Variants in DKK2 observed in about 807,000 individuals in gnomAD.
DKK2 encodes dickkopf Wnt signaling pathway inhibitor 2.
In DKK2, 11 loss-of-function variants were observed where a neutral mutation model predicts 28.1. The observed-to-expected ratio is 0.39, with a 90% CI of 0.25 to 0.65. The LOEUF (loss-of-function observed/expected upper bound fraction) is 0.65, where lower values mean the gene tolerates loss of function less well. DKK2 is among the 30% of genes least tolerant of loss of function. The probability of loss-of-function intolerance (pLI) is 0.47; values close to 1 mark genes in which losing one functional copy is unlikely to be tolerated. For synonymous variants in DKK2, 135 were observed against 126.5 expected, an observed-to-expected ratio of 1.07 and a Z score of -0.45; for missense variants, 326 against 335.5, an observed-to-expected ratio of 0.97 and a Z score of 0.22.
chr4:106,955,127 TA>T (rs1160918115), intron 1 of DKK2, among the ~76,000 whole-genome samples: 11 of 152,138 alleles, frequency 7.2e-5, no homozygotes, highest in Non-Finnish European at 7.3e-5. Flanking sequence ...TACTATAATT[TA>T]ATGTTAATTA....
rs757346025 is a variant in DKK2, at chr4:106,924,540, C to T, written c.529+5G>A. ...AAAAAACCCCAGAACTACAGATATC[C>T]CTACCTTTTATATGTGACATCTTAG... is the stretch of plus-strand genomic sequence containing the variant. On this transcript the variant is annotated splice_donor_5th_base_variant and intron_variant, in intron 3 of 3. Coordinates refer to ENST00000285311, the MANE Select transcript of DKK2 (RefSeq NM_014421.3). 8.4e-5 allele frequency: 136 copies of T among 1,612,360 alleles called. No homozygotes were observed. Among genetic ancestry groups the T allele is most frequent in the Non-Finnish European group, 1.1e-4 (133 of 1,179,148 alleles).
chr4:107,027,134 T>G (rs1315389171), intron 1 of DKK2, among the ~76,000 whole-genome samples: 1 of 152,008 alleles, frequency 6.6e-6, no homozygotes, highest in Non-Finnish European at 1.5e-5. Context: ...CAGAGCATGG[T>G]TAATGGGGAA....
chr4:106,956,483 A>G (rs893825142), intron 1 of DKK2, among the ~76,000 whole-genome samples: 2 of 152,196 alleles, frequency 1.3e-5, no homozygotes, highest in Non-Finnish European at 2.9e-5. Flanking sequence ...GAGGCATCAC[A>G]CTACCTGACT....
Position 106,924,607 on chromosome 4 carries a change from G to T in DKK2, c.467C>A (p.Ser156Ter). 6.2e-7 allele frequency: 1 copy of T among 1,613,920 alleles called. No individual in the cohort carries two copies. The highest frequency in any genetic ancestry group is 1.1e-5 in the South Asian group (1 of 91,078). ...ATTCTGCCATCCCAAGTCATGGTTT[G>T]AGTAATGACCGTGGTTTCGATCTCT... The part of the protein sequence containing the change: ...RHRDRNHGHY[S>*]NHDLGWQNLG... The change falls in exon 3 of 4, where the codon TCA (serine) becomes TAA (stop). Residue 156 changes from serine (S) to a stop codon, truncating the protein, a stop_gained. Coordinates refer to ENST00000285311, the MANE Select transcript of DKK2 (RefSeq NM_014421.3). LOFTEE classifies it high-confidence loss of function.
chr4:106,954,052 G>A (rs1722544791), intron 1 of DKK2, among the ~76,000 whole-genome samples: 1 of 152,070 alleles, frequency 6.6e-6, no homozygotes, highest in African/African-American at 2.4e-5. Flanking sequence ...TCATTGAGTA[G>A]TCAAATGAGA....
At chr4:107,002,440 A>G (rs1325127088) in intron 1 of DKK2, among the ~76,000 whole-genome samples, 3 of 152,192 alleles carry the variant, frequency 2.0e-5, no homozygotes, top group African/African-American at 7.2e-5. Context: ...TTACAAAGAT[A>G]TGGCTTTACA....
rs566198336 is a variant in DKK2, at chr4:107,029,313, G to C, written c.222+6057C>G. Among the ~76,000 whole-genome samples the C allele has an allele frequency of 4.6e-5, 7 of 152,278 alleles. No individual in the cohort carries two copies. In the East Asian group the frequency reaches 1.3e-3, roughly 29 times the overall value. On this transcript the variant is annotated intron_variant, in intron 1 of 3. Transcript: ENST00000285311. ...TTCTAATATTAGATTGCTTAGGTTT[G>C]AACTTTAGCTTTCTCCATTTACAGT...
chr4:106,951,769 C>T (rs1225287529), intron 1 of DKK2, among the ~76,000 whole-genome samples: 1 of 152,022 alleles, frequency 6.6e-6, no homozygotes, highest in African/African-American at 2.4e-5. Flanking sequence ...GTTAATAGCT[C>T]TTAGTTCTAA....
intron 1 of DKK2, among the ~76,000 whole-genome samples, chr4:106,930,882 G>A (rs912609144): frequency 6.6e-6 from 1 of 152,152 alleles, no homozygotes; most frequent in African/African-American, 2.4e-5. Context: ...CAGAAGATTG[G>A]CAATTACATT....
intron 1 of DKK2, among the ~76,000 whole-genome samples, chr4:107,009,984 A>C (rs1393909617): frequency 1.3e-5 from 2 of 151,644 alleles, no homozygotes; most frequent in African/African-American, 4.8e-5. Context: ...ACTTCAAAAG[A>C]ATTTATTTTC....
At chr4:106,993,355 G>A (rs1026787558) in intron 1 of DKK2, among the ~76,000 whole-genome samples, 3 of 152,104 alleles carry the variant, frequency 2.0e-5, no homozygotes, top group African/African-American at 4.8e-5. Context: ...TTCAATAAAC[G>A]GAGGTTTCCC....
chr4:106,944,285 T>C (rs1427989552), intron 1 of DKK2, among the ~76,000 whole-genome samples: 1 of 152,080 alleles, frequency 6.6e-6, no homozygotes, highest in African/African-American at 2.4e-5. Flanking sequence ...CCTAAACAAA[T>C]TGAGTTAAAC....
intron 1 of DKK2, among the ~76,000 whole-genome samples, chr4:106,986,261 T>C (rs971649616): frequency 2.0e-5 from 3 of 152,220 alleles, no homozygotes; most frequent in African/African-American, 4.8e-5. Flanking sequence ...GCAAAGGGCA[T>C]ACTCTAGTTC....
At chr4:106,997,381 TTC>T (rs1723287574) in intron 1 of DKK2, among the ~76,000 whole-genome samples, 1 of 152,164 alleles carries the variant, frequency 6.6e-6, no homozygotes, top group Non-Finnish European at 1.5e-5. Flanking sequence ...TTCCATTATT[TTC>T]TCTGTTTATC....
intron 1 of DKK2, among the ~76,000 whole-genome samples, chr4:106,956,278 C>T (rs535110249): frequency 7.9e-5 from 12 of 152,222 alleles, no homozygotes; most frequent in Admixed American, 5.9e-4. Context: ...AAGAACATTC[C>T]ATGCTCATGG....
chr4:106,942,486 C>A (rs1005492208), intron 1 of DKK2, among the ~76,000 whole-genome samples: 1 of 152,088 alleles, frequency 6.6e-6, no homozygotes, highest in African/African-American at 2.4e-5. Context: ...CCCAGATATA[C>A]TAGACTCTTT....
At chr4:106,924,299 A>G in intron 3 of DKK2, 95 bp from the exon 4 acceptor site, 2 of 1,467,640 alleles carry the variant, frequency 1.4e-6, no homozygotes, top group Non-Finnish European at 1.8e-6. Flanking sequence ...TTTTACTTAT[A>G]CTATCTTCTA....
At chr4:107,021,378 C>G (rs908468116) in intron 1 of DKK2, among the ~76,000 whole-genome samples, 1 of 151,766 alleles carries the variant, frequency 6.6e-6, no homozygotes, top group South Asian at 2.1e-4. Flanking sequence ...TTCTAAAGAA[C>G]GTTCTACATA....
chr4:106,967,956 AAGAAAG>A, intron 1 of DKK2, among the ~76,000 whole-genome samples: 1 of 72,362 alleles, frequency 1.4e-5, no homozygotes, highest in Admixed American at 1.1e-4. Context: ...AGAGAAAACA[AAGAAAG>A]AAAGGAATGA....
Sources: allele counts gnomAD v4.1 joint callset (sites outside exome capture counted in the v4.1 genomes callset), GRCh38; gene constraint gnomAD v4.1.1; transcripts MANE v1.5; gene names NCBI Gene and HGNC (gene_info 2026-07-23, HGNC 2026-07-21).